The following LAMB1 variants were observed in gnomAD, a reference collection of about 807,000 sequenced individuals.
The protein encoded by LAMB1 is laminin subunit beta-1.
LAMB1 carries 121 observed loss-of-function variants against 222.3 expected under a neutral mutation model. The ratio of observed to expected loss-of-function variants is 0.54; its 90% CI spans 0.47 to 0.63. The LOEUF is 0.63. LAMB1 is among the 30% of genes least tolerant of loss of function. LAMB1 has a pLI of 0.00. For synonymous variants in LAMB1, 794 were observed against 807.2 expected (o/e 0.98, Z 0.28); for missense variants, 2,172 against 2,240.8 (o/e 0.97, Z 0.62).
intron 13 of LAMB1, among the ~76,000 whole-genome samples, chr7:107,968,542 C>T (rs2033678946): frequency 6.6e-6 from 1 of 152,082 alleles, no homozygotes; most frequent in Non-Finnish European, 1.5e-5. Context: ...AATCTAATCA[C>T]ATAAATTCTT....
intron 10 of LAMB1, 62 bp from the exon 11 acceptor site, chr7:107,975,475 A>T (rs939929078): frequency 8.9e-6 from 13 of 1,455,424 alleles, no homozygotes; most frequent in Non-Finnish European, 1.2e-5. Flanking sequence ...CTTTGTATAA[A>T]TACATATATT....
At chr7:107,965,040 A>T (rs1160843378) in intron 13 of LAMB1, among the ~76,000 whole-genome samples, 1 of 152,190 alleles carries the variant, frequency 6.6e-6, no homozygotes, top group Non-Finnish European at 1.5e-5. Context: ...TCCCTGAAGA[A>T]CATCTCCAGC....
chr7:107,926,248 C>A lies in LAMB1; in HGVS notation c.4999G>T (p.Gly1667Trp), dbSNP rs143093758. 1 of 1,613,962 alleles carries A rather than the reference C, an allele frequency of 6.2e-7. No individual in the cohort carries two copies. The highest frequency in any genetic ancestry group is 1.7e-5 in the Admixed American group (1 of 60,008). ...ACTTTTTCAATATATTCTGCCTCCC[C>A]GGAGTTTTGGGCAGCTTTCCGCTTA... ...ELKRKAAQNS[G>W]EAEYIEKVVY... The change falls in exon 32 of 34, where the codon GGG becomes TGG. Residue 1667 changes from glycine to tryptophan, a missense_variant. Gly to Trp is a radical substitution (Grantham distance 184). Coordinates refer to ENST00000222399, the MANE Select transcript of LAMB1 (RefSeq NM_002291.3).
At chr7:107,967,209 T>C (rs2033654200) in intron 13 of LAMB1, among the ~76,000 whole-genome samples, 2 of 152,218 alleles carry the variant, frequency 1.3e-5, no homozygotes. Flanking sequence ...ATGGTATAGG[T>C]GAGACATCAC....
rs763611676 is a variant in LAMB1, at chr7:107,962,970, C to G, written c.1792G>C (p.Glu598Gln). 4 of 1,613,918 alleles carry G rather than the reference C, an allele frequency of 2.5e-6. No homozygotes were observed. The highest frequency in any genetic ancestry group is 3.4e-6 in the Non-Finnish European group (4 of 1,179,984). ...FVRVPEGAYL[E>Q]FFIDNIPYSM... ...TATGGTATGTTGTCAATGAAAAACT[C>G]CAAATAAGCCCCTTCAGGCACTCGG... The change falls in exon 15 of 34, where the codon GAG (glutamate) becomes CAG (glutamine). Residue 598 changes from glutamate (E) to glutamine (Q), a missense_variant. Physicochemically the swap from Glu to Gln is conservative, Grantham distance 29. Transcript: ENST00000222399.
At position 107,973,064 on chromosome 7, in the gene LAMB1, T is replaced by C. The variant is rs201671821; in HGVS notation, c.1490A>G (p.His497Arg). The C allele has an allele frequency of 1.2e-6, 2 of 1,613,748 alleles. No individual in the cohort carries two copies. Among genetic ancestry groups the C allele is most frequent in the East Asian group, 2.2e-5 (1 of 44,878 alleles). ...ATCCAAATCATTGCTTAAGCCCCAGTGCTCTGGCTGCAGAACAAAACGTGA... is the reference window on the plus strand; with the variant it reads ...ATCCAAATCATTGCTTAAGCCCCAGCGCTCTGGCTGCAGAACAAAACGTGA... ...GQHCDQCLPE[H>R]WGLSNDLDGC... Residue 497 changes from histidine (H) to arginine (R), a missense_variant, in exon 13 of 34, where the codon CAC (histidine) becomes CGC (arginine). Transcript: ENST00000222399.
chr7:107,972,804 A>T (rs1474994123), intron 13 of LAMB1, among the ~76,000 whole-genome samples, 188 bp downstream of exon 13: 1 of 152,240 alleles, frequency 6.6e-6, no homozygotes, highest in African/African-American at 2.4e-5. Flanking sequence ...TTAAAAATAC[A>T]TATGTACTTT....
At chr7:107,929,678 C>T in intron 29 of LAMB1, 59 bp from the exon 30 acceptor site, 3 of 1,354,028 alleles carry the variant, frequency 2.2e-6, no homozygotes, top group African/African-American at 2.9e-5. Context: ...TTCATTCATT[C>T]AACCACTTAC....
At position 107,980,744 on chromosome 7, in the gene LAMB1, C is replaced by T; in HGVS notation, c.744G>A (p.Leu248=). The change falls in exon 8 of 34, where the codon CTG becomes CTA. Residue 248 remains leucine (L), a synonymous_variant. Coordinates refer to ENST00000222399, the MANE Select transcript of LAMB1 (RefSeq NM_002291.3). ...VKLHTLGDNL[L]DSRMEIREKY... ...TTTCTCTGATTTCCATCCTGGAATC[C>T]AGAAGGTTATCTCCCAAAGTATGCA... is the stretch of plus-strand genomic sequence containing the variant. 6.2e-7 allele frequency: 1 copy of T among 1,613,442 alleles called. No homozygotes were observed. Among genetic ancestry groups the T allele is most frequent in the Non-Finnish European group, 8.5e-7 (1 of 1,179,436 alleles).
intron 29 of LAMB1, 163 bp from the exon 30 acceptor site, chr7:107,929,782 G>GCGACCACC: frequency 1.9e-6 from 1 of 533,822 alleles, no homozygotes; most frequent in Non-Finnish European, 3.3e-6. Context: ...GATTTTGAGG[G>GCGACCACC]GAGATGAGAC....
chr7:107,940,051 G>A lies in LAMB1; in HGVS notation c.3699C>T (p.Ile1233=). ...GCTCTGCTGCGGGGCTCTGCGCCAG[G>A]ATGTCTTTTATCTCGCTGACTTTCC... ...VERKVSEIKD[I]LAQSPAAEPL... is the part of the protein sequence containing the mutation. Residue 1233 remains isoleucine, a synonymous_variant, in exon 25 of 34, where the codon ATC becomes ATT. Coordinates refer to ENST00000222399, the MANE Select transcript of LAMB1 (RefSeq NM_002291.3). 2 of 1,614,158 alleles carry A rather than the reference G, an allele frequency of 1.2e-6. No individual in the cohort carries two copies. Among genetic ancestry groups the A allele is most frequent in the Non-Finnish European group, 1.7e-6 (2 of 1,180,046 alleles).
chr7:107,960,953 C>T (rs2033484499), intron 17 of LAMB1, among the ~76,000 whole-genome samples: 1 of 152,178 alleles, frequency 6.6e-6, no homozygotes, highest in Non-Finnish European at 1.5e-5. Context: ...CTCAGCATCC[C>T]AAAGTGTTGG....
chr7:107,994,622 G>A (rs1199312101), intron 5 of LAMB1, among the ~76,000 whole-genome samples: 2 of 152,128 alleles, frequency 1.3e-5, no homozygotes, highest in Non-Finnish European at 1.5e-5. Context: ...CTTACTCTAT[G>A]GGGAAATAAA....
chr7:108,001,590 G>A lies in LAMB1; in HGVS notation c.181C>T (p.Pro61Ser). 1 of 1,612,510 alleles carries A rather than the reference G, an allele frequency of 6.2e-7. No homozygotes were observed. ...TGGCTGACGATACAGTAGGGTTCGG[G>A]CTTGTGCAGCCCGCACGTCGAGGTC... The part of the protein sequence containing the change: ...SVTSTCGLHK[P>S]EPYCIVSHLQ... Residue 61 changes from proline (P) to serine (S), a missense_variant, in exon 3 of 34, where the codon CCC (proline) becomes TCC (serine). Transcript: ENST00000222399.
chr7:107,926,891 G>T (rs1164748253), intron 31 of LAMB1, among the ~76,000 whole-genome samples: 1 of 152,090 alleles, frequency 6.6e-6, no homozygotes, highest in Non-Finnish European at 1.5e-5. Context: ...GAACGTTACA[G>T]CTGTAAACTC....
intron 8 of LAMB1, among the ~76,000 whole-genome samples, 161 bp downstream of exon 8, chr7:107,980,448 G>GA (rs1181415999): frequency 2.0e-5 from 3 of 152,132 alleles, no homozygotes; most frequent in Admixed American, 6.5e-5. Flanking sequence ...TCTTCAAAGA[G>GA]AAAATCAACA....
intron 7 of LAMB1, among the ~76,000 whole-genome samples, chr7:107,982,854 A>ACATG (rs1322492144): frequency 6.6e-6 from 1 of 152,254 alleles, no homozygotes; most frequent in African/African-American, 2.4e-5. Flanking sequence ...TGATCAGCTA[A>ACATG]CATGCATGCT....
At chr7:107,953,379 G>A in intron 22 of LAMB1, 151 bp downstream of exon 22, 2 of 620,740 alleles carry the variant, frequency 3.2e-6, no homozygotes, top group Non-Finnish European at 5.6e-6. Context: ...AAAAAAATTG[G>A]TCTCATCTTT....
intron 24 of LAMB1, among the ~76,000 whole-genome samples, chr7:107,949,673 T>C (rs2033200380): frequency 6.6e-6 from 1 of 152,246 alleles, no homozygotes; most frequent in South Asian, 2.1e-4. Flanking sequence ...TTATCCCCAC[T>C]GTGAAACAAA....
Sources: allele counts gnomAD v4.1 joint callset (sites outside exome capture counted in the v4.1 genomes callset), GRCh38; gene constraint gnomAD v4.1.1; transcripts MANE v1.5; gene names NCBI Gene and HGNC (gene_info 2026-07-23, HGNC 2026-07-21).